The following TBCD variants were observed in gnomAD, a reference collection of about 807,000 sequenced individuals.
TBCD encodes the protein tubulin-specific chaperone D.
In TBCD, 105 loss-of-function variants were observed where a neutral mutation model predicts 169.3. The ratio of observed to expected loss-of-function variants is 0.62; its 90% confidence interval spans 0.53 to 0.73. The LOEUF is 0.73. Ranked by LOEUF, TBCD falls within the 30% of genes least tolerant of loss-of-function variation. The probability of loss-of-function intolerance (pLI) is 0.00; values close to 1 mark genes in which losing one functional copy is unlikely to be tolerated. For synonymous variants in TBCD, 700 were observed against 643.9 expected (o/e 1.09, Z -1.32); for missense variants, 1,444 against 1,600.1 (o/e 0.90, Z 1.66).
intron 20 of TBCD, among the ~76,000 whole-genome samples, chr17:82,907,278 T>C (rs986959351): frequency 1.1e-4 from 16 of 152,230 alleles, no homozygotes; most frequent in African/African-American, 2.7e-4. Context: ...AGCTGTCGTC[T>C]CAGCCTCACC....
In TBCD at chr17:82,920,676, G is replaced by A; in HGVS notation, c.2101+58G>A. ...CTTACAGAATGACTTCAGATTAAAA[G>A]GTAAAAATGAACCTGTTAGGATGGG... On this transcript the variant is annotated intron_variant, in intron 24 of 38. Coordinates refer to ENST00000355528, the MANE Select transcript of TBCD (RefSeq NM_005993.5). The surrounding 1 kb of genome is among the most constrained non-coding windows in gnomAD (Gnocchi z 4.1). The A allele has an allele frequency of 1.4e-6, 2 of 1,419,408 alleles. No individual in the cohort carries two copies. The highest frequency in any genetic ancestry group is 1.4e-5 in the African/African-American group (1 of 69,084). The allele number at this position is 1,419,408 out of a possible 1,614,324, so 87.9% of individuals were successfully genotyped here.
chr17:82,827,553 C>T (rs572204656), intron 13 of TBCD, among the ~76,000 whole-genome samples: 14 of 152,314 alleles, frequency 9.2e-5, no homozygotes, highest in African/African-American at 3.4e-4. Flanking sequence ...TTGACCACTG[C>T]TTTAAACCCA....
At chr17:82,764,117 C>T (rs2047907556) in intron 3 of TBCD, 55 bp downstream of exon 3, 2 of 1,337,888 alleles carry the variant, frequency 1.5e-6, no homozygotes, top group African/African-American at 1.5e-5. Flanking sequence ...TATACTTGGT[C>T]CAGAGGTTAC....
At chr17:82,870,419 C>G in intron 14 of TBCD, 39 bp downstream of exon 14, 9 of 1,595,480 alleles carry the variant, frequency 5.6e-6, no homozygotes, top group Non-Finnish European at 7.7e-6. Context: ...TGCGCCGTGC[C>G]CCCTGACGGC....
At chr17:82,926,952 G>A (rs545700888) in intron 28 of TBCD, 147 of 591,470 alleles carry the variant, frequency 2.5e-4, no homozygotes, top group East Asian at 2.0e-3. Context: ...GGGACCAGCC[G>A]CAGGGGGCGT....
At chr17:82,887,577 C>T (rs974107708) in intron 15 of TBCD, among the ~76,000 whole-genome samples, 6 of 152,178 alleles carry the variant, frequency 3.9e-5, no homozygotes, top group Non-Finnish European at 7.3e-5. Flanking sequence ...CTGCTGTAAA[C>T]ATTCGTGCTC....
In TBCD at chr17:82,889,621, C is replaced by G. The variant is rs759032280; in HGVS notation, c.1534-47C>G. The G allele has an allele frequency of 6.2e-7, 1 of 1,613,006 alleles. No individual in the cohort carries two copies. The highest frequency in any genetic ancestry group is 1.7e-5 in the Admixed American group (1 of 59,938). ...GTTCTGAACTTGCCTCTGGTGTTGG[C>G]GGAAGCTGACCTCGCTCACCTGCTG... On this transcript the variant is annotated intron_variant, in intron 15 of 38. Transcript: ENST00000355528. This position sits in a 1 kb window ranked among gnomAD's most constrained non-coding sequence, Gnocchi z 5.3.
intron 19 of TBCD, among the ~76,000 whole-genome samples, chr17:82,904,331 G>A (rs112144514): frequency 2.0e-5 from 3 of 147,800 alleles, no homozygotes; most frequent in Admixed American, 6.7e-5. Flanking sequence ...CCTGCCACAC[G>A]ACACTCCTTG....
chr17:82,910,650 T>TC (rs1459609784), intron 22 of TBCD, among the ~76,000 whole-genome samples: 10 of 151,918 alleles, frequency 6.6e-5, no homozygotes, highest in Admixed American at 1.3e-4. Context: ...CACTGCAAGC[T>TC]CACCTCCCAC....
intron 34 of TBCD, 75 bp from the exon 35 acceptor site, chr17:82,937,196 C>T (rs1029563024): frequency 2.1e-6 from 3 of 1,419,442 alleles, no homozygotes; most frequent in Non-Finnish European, 3.0e-6. Flanking sequence ...AGTTGACCTT[C>T]TTTGAGACAG....
At chr17:82,793,959 T>C (rs2049927485) in intron 7 of TBCD, among the ~76,000 whole-genome samples, 2 of 152,184 alleles carry the variant, frequency 1.3e-5, no homozygotes, top group African/African-American at 4.8e-5. Context: ...GGCATGGTTA[T>C]GTGGGGCCAC....
At chr17:82,830,333 G>T in intron 13 of TBCD, 1 of 1,614,022 alleles carries the variant, frequency 6.2e-7, no homozygotes, top group Non-Finnish European at 8.5e-7. Context: ...CGGCAGGCAG[G>T]TTCCGGGGCC....
intron 9 of TBCD, among the ~76,000 whole-genome samples, chr17:82,804,137 G>A (rs926571565): frequency 1.3e-5 from 2 of 149,196 alleles, no homozygotes; most frequent in Admixed American, 6.7e-5. Flanking sequence ...GGGGGCTGGG[G>A]TGTGCCTGCC....
intron 23 of TBCD, among the ~76,000 whole-genome samples, chr17:82,914,846 A>C (rs1035801665): frequency 1.3e-5 from 2 of 152,168 alleles, no homozygotes; most frequent in African/African-American, 4.8e-5. Flanking sequence ...CTTCGTAGGA[A>C]ATTATTTTCC....
intron 2 of TBCD, among the ~76,000 whole-genome samples, chr17:82,759,733 C>T (rs986073132): frequency 6.6e-6 from 1 of 152,180 alleles, no homozygotes; most frequent in Non-Finnish European, 1.5e-5. Context: ...ATGTAAGCCT[C>T]ATTTATTGGA....
intron 13 of TBCD, among the ~76,000 whole-genome samples, chr17:82,826,223 C>CTTTT (rs553261050): frequency 9.2e-4 from 136 of 148,104 alleles, no homozygotes; most frequent in Middle Eastern, 6.9e-3. Context: ...TGTTCATGAC[C>CTTTT]TTTTTTTTTT....
chr17:82,772,542 T>C (rs376733275), intron 6 of TBCD, 35 bp downstream of exon 6: 24 of 1,611,372 alleles, frequency 1.5e-5, no homozygotes, highest in Non-Finnish European at 1.9e-5. Flanking sequence ...GGTGTGTGGC[T>C]GGTGGGTTCT....
intron 33 of TBCD, 94 bp from the exon 34 acceptor site, chr17:82,932,564 C>A: frequency 1.0e-6 from 1 of 991,806 alleles, no homozygotes; most frequent in Non-Finnish European, 1.6e-6. Context: ...GGGCTTGTCG[C>A]TTTCCACTGG....
rs138513828 is a variant in TBCD at position 82,832,299 on chromosome 17, C to T, written c.1318+17365C>T. ...GATCCTGCTCTGATACTAAAGTAAT[C>T]GAGTTTTTACAAAGACCATACTTCA... On this transcript the variant is annotated intron_variant, in intron 13 of 38. Transcript: ENST00000355528. The surrounding 1 kb of genome is among the most constrained non-coding windows in gnomAD (Gnocchi z 4.9). 110 of 1,614,158 alleles carry T rather than the reference C, an allele frequency of 6.8e-5. 1 individual carries two copies. The Middle Eastern group carries it at 8.2e-4, about 12-fold the overall frequency.
Sources: gnomAD v4.1 joint callset for allele counts (sites outside exome capture counted in the v4.1 genomes callset) on GRCh38, gnomAD v4.1.1 for gene constraint, Gnocchi (gnomAD v3.1) non-coding constraint, MANE v1.5 for transcripts, NCBI Gene and HGNC (gene_info 2026-07-23, HGNC 2026-07-21) for gene names.